NRXN1: variants seen among roughly 807,000 people sequenced by gnomAD.
NRXN1 encodes the protein neurexin-1.
Under a neutral mutation model 150.9 loss-of-function variants are expected in NRXN1, and 39 were observed. The ratio of observed to expected loss-of-function variants is 0.26; its 90% CI spans 0.20 to 0.34. The LOEUF (loss-of-function observed/expected upper bound fraction) is 0.34. Among genes scored for constraint, NRXN1 ranks in the 10% least tolerant of loss-of-function variants. The pLI, the probability that NRXN1 is intolerant of heterozygous loss-of-function variation, is 1.00. For synonymous variants in NRXN1, 924 were observed against 757.0 expected (o/e 1.22, Z -3.62); for missense variants, 1,815 against 1,949.9 (o/e 0.93, Z 1.30).
chr2:49,984,869 C>T (rs1478301574), intron 21 of NRXN1, among the ~76,000 whole-genome samples: 1 of 152,132 alleles, frequency 6.6e-6, no homozygotes, highest in African/African-American at 2.4e-5. Context: ...CACCTAAGGA[C>T]ACACAGATTT....
At chr2:49,965,501 C>T (rs1399681269) in intron 21 of NRXN1, among the ~76,000 whole-genome samples, 4 of 152,042 alleles carry the variant, frequency 2.6e-5, no homozygotes, top group Non-Finnish European at 5.9e-5. Flanking sequence ...CTCCTGACCT[C>T]AGGCGATCCA....
chr2:50,099,919 G>C (rs949008121), intron 18 of NRXN1, among the ~76,000 whole-genome samples: 3 of 152,046 alleles, frequency 2.0e-5, no homozygotes, highest in East Asian at 3.9e-4. Context: ...TGCTTGATTA[G>C]ACAACATCCA....
intron 21 of NRXN1, among the ~76,000 whole-genome samples, chr2:50,032,096 G>A (rs957412699): frequency 2.6e-5 from 4 of 151,926 alleles, no homozygotes; most frequent in African/African-American, 9.7e-5. Flanking sequence ...GTATTTTGGA[G>A]AATAATAAAA....
At chr2:49,992,404 A>AAAAC (rs3046624) in intron 21 of NRXN1, among the ~76,000 whole-genome samples, 15,971 of 148,344 alleles carry the variant, frequency 0.11, 914 homozygotes, top group Middle Eastern at 0.21. Flanking sequence ...AAACACCCCA[A>AAAAC]AAACAAACAA....
intron 5 of NRXN1, among the ~76,000 whole-genome samples, chr2:50,797,312 T>C (rs1017161408): frequency 2.0e-5 from 3 of 152,126 alleles, no homozygotes; most frequent in African/African-American, 7.2e-5. Flanking sequence ...AATATCCAGG[T>C]GTAGACAGTA....
At chr2:50,780,694 C>G (rs1212169753) in intron 5 of NRXN1, among the ~76,000 whole-genome samples, 1 of 152,066 alleles carries the variant, frequency 6.6e-6, no homozygotes. Flanking sequence ...TTTCTTACTA[C>G]TAATATTTGA....
chr2:50,862,716 T>C (rs551428817), intron 5 of NRXN1, among the ~76,000 whole-genome samples: 1 of 152,086 alleles, frequency 6.6e-6, no homozygotes, highest in African/African-American at 2.4e-5. Context: ...CTTTACATAT[T>C]TGCTTTCAAT....
At chr2:50,479,599 T>C (rs2090279046) in intron 15 of NRXN1, among the ~76,000 whole-genome samples, 1 of 144,078 alleles carries the variant, frequency 6.9e-6, no homozygotes, top group Admixed American at 7.0e-5. Flanking sequence ...ACTCACTGAA[T>C]GAATGGATGA....
chr2:50,569,409 A>G (rs1345752057), intron 8 of NRXN1, among the ~76,000 whole-genome samples: 1 of 152,134 alleles, frequency 6.6e-6, no homozygotes, highest in African/African-American at 2.4e-5. Flanking sequence ...TGTACTCCAT[A>G]AACACTTAGT....
chr2:50,093,446 G>A (rs1410079429), intron 18 of NRXN1, among the ~76,000 whole-genome samples: 3 of 140,262 alleles, frequency 2.1e-5, no homozygotes, highest in Non-Finnish European at 4.5e-5. Context: ...GCAAGATCTC[G>A]TCTTTACTAT....
chr2:50,075,224 T>G (rs1279546288), intron 19 of NRXN1, among the ~76,000 whole-genome samples: 1 of 152,226 alleles, frequency 6.6e-6, no homozygotes, highest in African/African-American at 2.4e-5. Context: ...CAAATTCTAT[T>G]TATTCTATTA....
intron 12 of NRXN1, among the ~76,000 whole-genome samples, chr2:50,517,930 C>T (rs938482369): frequency 6.6e-6 from 1 of 152,112 alleles, no homozygotes; most frequent in African/African-American, 2.4e-5. Flanking sequence ...CTCGATGCTT[C>T]ACCTCCTGCT....
chr2:50,409,096 C>A (rs2082966540), intron 17 of NRXN1, among the ~76,000 whole-genome samples: 1 of 152,138 alleles, frequency 6.6e-6, no homozygotes, highest in Non-Finnish European at 1.5e-5. Context: ...AGAGGCAGCT[C>A]TCCCCTTTGA....
Position 50,346,935 on chromosome 2 carries a change from C to A in NRXN1, c.3365-109965G>T. The A allele has an allele frequency of 7.5e-7, 1 of 1,329,118 alleles. No homozygotes were observed. Among genetic ancestry groups the A allele is most frequent in the South Asian group, 1.7e-5 (1 of 59,284 alleles). The allele number at this position is 1,329,118 out of a possible 1,614,324, so 82.3% of individuals were successfully genotyped here. A position where few individuals can be genotyped will look rare whatever the true frequency, so the allele number is the denominator to read the frequency against. Reference sequence around the variant, plus strand: ...AGCCCAGCTCGGCGCCGCACCGGAGCATCCTCTGGTACATGGCGGGGCGCC... The same window carrying A: ...AGCCCAGCTCGGCGCCGCACCGGAGAATCCTCTGGTACATGGCGGGGCGCC... On this transcript the variant is annotated intron_variant, in intron 17 of 22. Coordinates refer to ENST00000401669, the MANE Select transcript of NRXN1 (RefSeq NM_001330078.2). This position sits in a 1 kb window ranked among gnomAD's most constrained non-coding sequence, Gnocchi z 5.0.
chr2:50,778,199 A>G (rs950933235), intron 5 of NRXN1, among the ~76,000 whole-genome samples: 1 of 152,190 alleles, frequency 6.6e-6, no homozygotes, highest in Non-Finnish European at 1.5e-5. Flanking sequence ...AGGATGTAAA[A>G]ACAATGAGTC....
At chr2:50,621,584 T>G (rs997063078) in intron 6 of NRXN1, among the ~76,000 whole-genome samples, 2 of 152,052 alleles carry the variant, frequency 1.3e-5, no homozygotes, top group Non-Finnish European at 2.9e-5. Flanking sequence ...CTGAGAGACA[T>G]TGGAAAAGTC....
intron 18 of NRXN1, among the ~76,000 whole-genome samples, chr2:50,193,608 G>A (rs1388264465): frequency 1.3e-5 from 2 of 152,150 alleles, no homozygotes; most frequent in East Asian, 3.9e-4. Context: ...CCTGAGTAAA[G>A]CTTTATTGTG....
intron 22 of NRXN1, among the ~76,000 whole-genome samples, chr2:49,927,523 AAGAT>A (rs1425045957): frequency 3.9e-5 from 6 of 152,236 alleles, no homozygotes; most frequent in Non-Finnish European, 7.3e-5. Flanking sequence ...AGCAATTTGA[AAGAT>A]AGATACATTT....
intron 17 of NRXN1, among the ~76,000 whole-genome samples, chr2:50,410,478 T>C (rs2083070644): frequency 6.6e-6 from 1 of 152,242 alleles, no homozygotes; most frequent in African/African-American, 2.4e-5. Flanking sequence ...GTGTACACTC[T>C]TGTTGTATGT....
Sources: gnomAD v4.1 joint callset for allele counts (sites outside exome capture counted in the v4.1 genomes callset) on GRCh38, gnomAD v4.1.1 for gene constraint, Gnocchi (gnomAD v3.1) non-coding constraint, MANE v1.5 for transcripts, NCBI Gene and HGNC (gene_info 2026-07-23, HGNC 2026-07-21) for gene names.